AIG1: variants seen among roughly 807,000 people sequenced by gnomAD.
AIG1 encodes the protein androgen induced 1, also known as androgen-induced gene 1 protein.
AIG1 carries 23 observed loss-of-function variants against 31.4 expected under a neutral mutation model. The ratio of observed to expected loss-of-function variants is 0.73; its 90% CI spans 0.53 to 1.04. AIG1 has a LOEUF of 1.04. Among genes scored for constraint, AIG1 ranks in the 50% least tolerant of loss-of-function variants. The probability of loss-of-function intolerance (pLI) is 0.00; values close to 1 mark genes in which losing one functional copy is unlikely to be tolerated. For missense variants in AIG1, 274 were observed against 295.0 expected (o/e 0.93, Z 0.52); for synonymous variants, 100 against 110.5 (o/e 0.90, Z 0.60).
chr6:143,244,189 C>T (rs566380733), intron 3 of AIG1, among the ~76,000 whole-genome samples: 1 of 152,224 alleles, frequency 6.6e-6, no homozygotes, highest in Non-Finnish European at 1.5e-5. Context: ...ATAACTATTC[C>T]TGAAGGAGGT....
rs868045019 is a variant in AIG1 at position 143,297,315 on chromosome 6, C to A, written c.515+13090C>A. Reference sequence around the variant, plus strand: ...CCAAAGCAGTTCAGTGCACCTGGACCCATTGACATTTTGCCCTCCTCCTGT... The same window carrying A: ...CCAAAGCAGTTCAGTGCACCTGGACACATTGACATTTTGCCCTCCTCCTGT... On this transcript the variant is annotated intron_variant, in intron 4 of 5. Coordinates refer to ENST00000357847, the MANE Select transcript of AIG1 (RefSeq NM_016108.4). This position sits in a 1 kb window ranked among gnomAD's most constrained non-coding sequence, Gnocchi z 5.1. Among the ~76,000 whole-genome samples the A allele has an allele frequency of 1.3e-5, 2 of 152,172 alleles. No individual in the cohort carries two copies. Among genetic ancestry groups the A allele is most frequent in the Non-Finnish European group, 2.9e-5 (2 of 68,040 alleles).
intron 1 of AIG1, among the ~76,000 whole-genome samples, chr6:143,125,875 G>A (rs906743950): frequency 6.6e-6 from 1 of 152,186 alleles, no homozygotes; most frequent in Non-Finnish European, 1.5e-5. Flanking sequence ...CCGTTTGAAT[G>A]AATTGCTTGC....
chr6:143,083,267 T>C (rs1203707491), intron 1 of AIG1, among the ~76,000 whole-genome samples: 1 of 152,216 alleles, frequency 6.6e-6, no homozygotes, highest in Non-Finnish European at 1.5e-5. Context: ...AAGTAAATCA[T>C]CCATGTACCA....
rs992165838 is a variant in AIG1 at position 143,258,550 on chromosome 6, C to A, written c.400-25560C>A. ...AAATGCTTCTGACTGCAGCCTCTGC[C>A]AGCTAATGGAGGTATTTTATGGGCT... On this transcript the variant is annotated intron_variant, in intron 3 of 5. Coordinates refer to ENST00000357847, the MANE Select transcript of AIG1 (RefSeq NM_016108.4). The surrounding 1 kb of genome is among the most constrained non-coding windows in gnomAD (Gnocchi z 4.7). Among the ~76,000 whole-genome samples, 8 of 152,080 alleles carry A rather than the reference C, an allele frequency of 5.3e-5. No homozygotes were observed. The highest frequency in any genetic ancestry group is 1.0e-4 in the Non-Finnish European group (7 of 68,028).
intron 1 of AIG1, among the ~76,000 whole-genome samples, chr6:143,119,346 A>C (rs936631006): frequency 6.6e-6 from 1 of 152,230 alleles, no homozygotes; most frequent in Non-Finnish European, 1.5e-5. Flanking sequence ...AATAATTTTC[A>C]AAGTATGCCA....
At chr6:143,265,492 CCT>C (rs1387614679) in intron 3 of AIG1, among the ~76,000 whole-genome samples, 1 of 152,130 alleles carries the variant, frequency 6.6e-6, no homozygotes, top group Admixed American at 6.5e-5. Context: ...TCCCTCTTCC[CCT>C]CTCTCTGCCC....
intron 3 of AIG1, among the ~76,000 whole-genome samples, chr6:143,252,356 G>T (rs1318161711): frequency 6.6e-6 from 1 of 152,048 alleles, no homozygotes; most frequent in Admixed American, 6.6e-5. Context: ...CCTGACCTCA[G>T]GTGATCCACC....
intron 3 of AIG1, among the ~76,000 whole-genome samples, chr6:143,174,728 A>T (rs954600760): frequency 3.3e-5 from 5 of 152,138 alleles, no homozygotes; most frequent in South Asian, 2.1e-4. Context: ...GATGTGAGGT[A>T]CTATTCACTT....
chr6:143,301,578 G>C (rs542692448), intron 4 of AIG1, among the ~76,000 whole-genome samples: 1 of 152,296 alleles, frequency 6.6e-6, no homozygotes, highest in Admixed American at 6.5e-5. Context: ...TGGTGGAAGG[G>C]GAAGCAAATA....
At chr6:143,337,461 C>T (rs998725191) in intron 5 of AIG1, among the ~76,000 whole-genome samples, 1 of 151,970 alleles carries the variant, frequency 6.6e-6, no homozygotes, top group Non-Finnish European at 1.5e-5. Context: ...GAGAGTTAAG[C>T]ACTTCGATGT....
chr6:143,257,514 C>T (rs546764512), intron 3 of AIG1, among the ~76,000 whole-genome samples: 45 of 152,258 alleles, frequency 3.0e-4, no homozygotes, highest in African/African-American at 9.9e-4. Context: ...TGTGTTTGAA[C>T]GGTTATAGTT....
intron 1 of AIG1, among the ~76,000 whole-genome samples, chr6:143,126,676 G>A (rs999734736): frequency 6.6e-6 from 1 of 152,108 alleles, no homozygotes. Flanking sequence ...TTGAAAGTTT[G>A]ATGAACTGAA....
At chr6:143,227,069 T>C (rs1465194025) in intron 3 of AIG1, among the ~76,000 whole-genome samples, 7 of 151,604 alleles carry the variant, frequency 4.6e-5, no homozygotes, top group African/African-American at 1.7e-4. Context: ...ATTCTTCTTC[T>C]TCCAATGTGG....
intron 1 of AIG1, among the ~76,000 whole-genome samples, chr6:143,083,118 A>G (rs934274967): frequency 6.6e-6 from 1 of 152,200 alleles, no homozygotes; most frequent in Admixed American, 6.5e-5. Context: ...GTGCCTTTGG[A>G]TAATTTTAGC....
intron 3 of AIG1, among the ~76,000 whole-genome samples, chr6:143,218,804 A>G (rs898070736): frequency 2.6e-5 from 4 of 152,210 alleles, no homozygotes; most frequent in African/African-American, 7.2e-5. Context: ...AACCTCTGCT[A>G]CTTTCTGACC....
At chr6:143,304,887 A>T (rs1395138647) in intron 4 of AIG1, among the ~76,000 whole-genome samples, 1 of 152,166 alleles carries the variant, frequency 6.6e-6, no homozygotes, top group Non-Finnish European at 1.5e-5. Context: ...GCTGTTGATT[A>T]TTGCCACAAT....
At chr6:143,317,865 A>G (rs1198118305) in intron 4 of AIG1, among the ~76,000 whole-genome samples, 1 of 152,134 alleles carries the variant, frequency 6.6e-6, no homozygotes, top group Non-Finnish European at 1.5e-5. Flanking sequence ...CAAGCTGAGA[A>G]TCAAATCAAG....
chr6:143,323,695 A>G (rs1222749791), intron 4 of AIG1, among the ~76,000 whole-genome samples: 1 of 152,062 alleles, frequency 6.6e-6, no homozygotes, highest in Admixed American at 6.6e-5. Flanking sequence ...GTTCATCAGG[A>G]ATCTTGGCAG....
intron 3 of AIG1, among the ~76,000 whole-genome samples, chr6:143,183,425 A>C (rs1402041321): frequency 6.6e-6 from 1 of 152,050 alleles, no homozygotes; most frequent in Admixed American, 6.5e-5. Context: ...CAATCTCCTG[A>C]CCTCATGATC....
Sources: allele counts gnomAD v4.1 joint callset (sites outside exome capture counted in the v4.1 genomes callset), GRCh38; gene constraint gnomAD v4.1.1; non-coding constraint Gnocchi (gnomAD v3.1); transcripts MANE v1.5; gene names NCBI Gene and HGNC (gene_info 2026-07-23, HGNC 2026-07-21).